Variants in KIAA1671 observed in about 807,000 individuals in gnomAD.
KIAA1671 encodes KIAA1671.
In KIAA1671, 52 loss-of-function variants were observed where a neutral mutation model predicts 131.2. That is an observed-to-expected ratio of 0.40 (90% CI 0.32 to 0.50). The LOEUF is 0.50. Ranked by LOEUF, KIAA1671 falls within the 20% of genes least tolerant of loss-of-function variation. KIAA1671 has a pLI of 0.73. For missense variants in KIAA1671, 2,360 were observed against 2,364.2 expected, an observed-to-expected ratio of 1.00 and a Z score of 0.04; for synonymous variants, 1,003 against 961.6, an observed-to-expected ratio of 1.04 and a Z score of -0.80.
intron 3 of KIAA1671, 72 bp downstream of exon 3, chr22:25,029,612 C>CTT: frequency 8.7e-7 from 1 of 1,143,470 alleles, no homozygotes; most frequent in South Asian, 1.6e-5. Context: ...GAACCAGGCT[C>CTT]CATGCTGGGC....
At chr22:25,029,917 T>C (rs1433953626) in intron 3 of KIAA1671, among the ~76,000 whole-genome samples, 1 of 152,188 alleles carries the variant, frequency 6.6e-6, no homozygotes, top group African/African-American at 2.4e-5. Flanking sequence ...AAGCCTTTCT[T>C]CCCTGAAGTC....
intron 6 of KIAA1671, among the ~76,000 whole-genome samples, chr22:25,125,084 AGCT>A: frequency 6.6e-6 from 1 of 152,174 alleles, no homozygotes; most frequent in East Asian, 1.9e-4. Flanking sequence ...ATGCAAAGTT[AGCT>A]GCTGGTCCAG....
chr22:25,015,361 G>C (rs1602068240), intron 1 of KIAA1671, among the ~76,000 whole-genome samples: 1 of 151,952 alleles, frequency 6.6e-6, no homozygotes, highest in East Asian at 1.9e-4. Context: ...GTGGACTCTA[G>C]TTTGCCAATT....
intron 6 of KIAA1671, among the ~76,000 whole-genome samples, chr22:25,097,301 C>A (rs1171077580): frequency 1.3e-5 from 2 of 152,128 alleles, no homozygotes; most frequent in Non-Finnish European, 2.9e-5. Flanking sequence ...GTTGTTTCAT[C>A]AGTAGAGATG....
chr22:25,129,051 T>G (rs1046988708), intron 6 of KIAA1671, among the ~76,000 whole-genome samples: 1 of 151,884 alleles, frequency 6.6e-6, no homozygotes, highest in African/African-American at 2.4e-5. Context: ...GTGCAGAGGC[T>G]GGGGTTCTCC....
intron 1 of KIAA1671, among the ~76,000 whole-genome samples, chr22:24,956,871 C>CAAAAAAA: frequency 1.9e-5 from 2 of 103,110 alleles, no homozygotes; most frequent in Middle Eastern, 6.0e-3. Context: ...GACTCTGTCT[C>CAAAAAAA]AAAAAAAAAA....
At chr22:25,086,874 C>A (rs1929753342) in intron 6 of KIAA1671, among the ~76,000 whole-genome samples, 1 of 152,190 alleles carries the variant, frequency 6.6e-6, no homozygotes, top group African/African-American at 2.4e-5. Flanking sequence ...TTAGAGCCGG[C>A]TGAGCAGCTT....
intron 1 of KIAA1671, among the ~76,000 whole-genome samples, chr22:24,985,101 T>C (rs1344820659): frequency 1.3e-5 from 2 of 151,884 alleles, no homozygotes; most frequent in Non-Finnish European, 3.0e-5. Context: ...TATATTCATG[T>C]GGAAAAGAGC....
intron 3 of KIAA1671, among the ~76,000 whole-genome samples, chr22:25,029,869 A>G (rs1926181777): frequency 6.6e-6 from 1 of 152,142 alleles, no homozygotes; most frequent in Non-Finnish European, 1.5e-5. Context: ...GGGAGGTGGG[A>G]GCTGGATGGC....
intron 1 of KIAA1671, among the ~76,000 whole-genome samples, chr22:24,984,530 G>A (rs745781355): frequency 2.6e-5 from 4 of 152,170 alleles, no homozygotes; most frequent in Non-Finnish European, 5.9e-5. Context: ...GTCAAGAGAC[G>A]GTTTAGCTAC....
chr22:25,033,082 A>G (rs1926380932), intron 4 of KIAA1671, among the ~76,000 whole-genome samples: 1 of 152,114 alleles, frequency 6.6e-6, no homozygotes, highest in African/African-American at 2.4e-5. Flanking sequence ...CCACCTAGCC[A>G]TAGAAGGAAG....
intron 6 of KIAA1671, among the ~76,000 whole-genome samples, chr22:25,157,638 CCATG>C: frequency 2.0e-5 from 3 of 152,188 alleles, no homozygotes; most frequent in Admixed American, 2.0e-4. Context: ...TTGTCTATCT[CCATG>C]CAAGAGTGCC....
At chr22:25,129,507 G>GAAAAAAAAAAAAAAA (rs768667507) in intron 6 of KIAA1671, among the ~76,000 whole-genome samples, 2 of 130,864 alleles carry the variant, frequency 1.5e-5, no homozygotes, top group African/African-American at 5.5e-5. Context: ...GACTCCATCT[G>GAAAAAAAAAAAAAAA]AAAAAAAAAA....
chr22:25,163,498 G>C (rs1430099067), intron 6 of KIAA1671, among the ~76,000 whole-genome samples: 1 of 138,704 alleles, frequency 7.2e-6, no homozygotes, highest in Non-Finnish European at 1.5e-5. Context: ...CTGGAGTGCA[G>C]TGGTGCGATC....
chr22:25,087,036 A>G (rs144854469), intron 6 of KIAA1671, among the ~76,000 whole-genome samples: 67 of 152,328 alleles, frequency 4.4e-4, no homozygotes, highest in Non-Finnish European at 2.9e-4. Context: ...AACAGGGTTC[A>G]AATCTACCTC....
At chr22:25,163,844 C>T (rs1222990997) in intron 6 of KIAA1671, among the ~76,000 whole-genome samples, 1 of 152,172 alleles carries the variant, frequency 6.6e-6, no homozygotes, top group East Asian at 1.9e-4. Context: ...ACTAATCCTG[C>T]AGGGCGGTGT....
intron 1 of KIAA1671, among the ~76,000 whole-genome samples, chr22:24,995,903 G>GTTC (rs1183053331): frequency 2.0e-5 from 3 of 152,240 alleles, no homozygotes; most frequent in Non-Finnish European, 4.4e-5. Flanking sequence ...GGAAGTCCCT[G>GTTC]TTCTGAACAG....
intron 1 of KIAA1671, among the ~76,000 whole-genome samples, chr22:25,024,889 C>T (rs1410797374): frequency 2.0e-5 from 2 of 102,432 alleles, no homozygotes; most frequent in Admixed American, 8.8e-5. Context: ...CCTGCCAAGC[C>T]TCCGAGTGTA....
At chr22:25,023,160 A>T (rs1448598969) in intron 1 of KIAA1671, 1 of 152,246 alleles carries the variant, frequency 6.6e-6, no homozygotes, top group Non-Finnish European at 1.5e-5. Context: ...ATGAGCTGAG[A>T]TAGTGCCATT....
Sources: allele counts gnomAD v4.1 joint callset (sites outside exome capture counted in the v4.1 genomes callset), GRCh38; gene constraint gnomAD v4.1.1; transcripts MANE v1.5; gene names NCBI Gene and HGNC (gene_info 2026-07-23, HGNC 2026-07-21).